ANKS1B: variants seen among roughly 807,000 people sequenced by gnomAD.
ANKS1B encodes ankyrin repeat and sterile alpha motif domain containing 1B.
A neutral mutation model predicts 148.3 loss-of-function variants in ANKS1B; 36 were observed. That is an observed-to-expected ratio of 0.24 (90% CI 0.19 to 0.32). The LOEUF (loss-of-function observed/expected upper bound fraction) is 0.32, where lower values mean the gene tolerates loss of function less well. Ranked by LOEUF, ANKS1B falls within the 10% of genes least tolerant of loss-of-function variation. The pLI is 1.00. For missense variants in ANKS1B, 1,157 were observed against 1,542.6 expected (o/e 0.75, Z 4.19); for synonymous variants, 542 against 560.8 (o/e 0.97, Z 0.47).
chr12:99,918,413 C>T (rs1009093035), intron 1 of ANKS1B, among the ~76,000 whole-genome samples: 1 of 152,172 alleles, frequency 6.6e-6, no homozygotes, highest in Non-Finnish European at 1.5e-5. Flanking sequence ...TTACTTTCAC[C>T]CAAACCCTTT....
intron 15 of ANKS1B, among the ~76,000 whole-genome samples, chr12:99,144,713 C>G (rs1256231853): frequency 1.3e-5 from 2 of 151,890 alleles, no homozygotes; most frequent in African/African-American, 4.8e-5. Context: ...GAGATAGGGT[C>G]TTTACAGACA....
rs572624592 is a variant in ANKS1B at position 98,884,834 on chromosome 12, C to G, written c.2779-52698G>C. Among the ~76,000 whole-genome samples, 20 of 148,798 alleles carry G rather than the reference C, an allele frequency of 1.3e-4. No homozygotes were observed. In the East Asian group the frequency reaches 4.0e-3, roughly 30 times the overall value. On this transcript the variant is annotated intron_variant, in intron 17 of 26. Coordinates refer to ENST00000683438, the MANE Select transcript of ANKS1B (RefSeq NM_001352186.2). ...AAAAAAAAAAAAAAAAAGAAACTAT[C>G]TATTTGGGGAGTCTCTCAGATGTGT...
At chr12:99,666,793 T>G (rs1214400377) in intron 8 of ANKS1B, among the ~76,000 whole-genome samples, 1 of 152,126 alleles carries the variant, frequency 6.6e-6, no homozygotes, top group Non-Finnish European at 1.5e-5. Context: ...TTGCTATATG[T>G]ATAATTGTGA....
At chr12:99,916,482 C>A (rs2094174879) in intron 1 of ANKS1B, among the ~76,000 whole-genome samples, 1 of 152,160 alleles carries the variant, frequency 6.6e-6, no homozygotes, top group Non-Finnish European at 1.5e-5. Flanking sequence ...TCCAGACCCA[C>A]CAACTGGTCA....
intron 9 of ANKS1B, among the ~76,000 whole-genome samples, chr12:99,527,041 C>G (rs1213215348): frequency 6.6e-6 from 1 of 152,142 alleles, no homozygotes; most frequent in Non-Finnish European, 1.5e-5. Context: ...AGAAAACCAA[C>G]AGGAATGGAA....
At chr12:98,853,351 T>C (rs891088122) in intron 17 of ANKS1B, among the ~76,000 whole-genome samples, 1 of 152,142 alleles carries the variant, frequency 6.6e-6, no homozygotes, top group South Asian at 2.1e-4. Flanking sequence ...GGAGCAGGAA[T>C]TATATGTGCT....
At chr12:99,207,628 C>T (rs914097867) in intron 14 of ANKS1B, among the ~76,000 whole-genome samples, 1 of 151,826 alleles carries the variant, frequency 6.6e-6, no homozygotes, top group Non-Finnish European at 1.5e-5. Flanking sequence ...TCTTAAGATT[C>T]CACTGGAAGT....
At chr12:99,238,091 G>A (rs1041557272) in intron 14 of ANKS1B, among the ~76,000 whole-genome samples, 3 of 152,246 alleles carry the variant, frequency 2.0e-5, no homozygotes, top group African/African-American at 7.2e-5. Context: ...AAGCAGGGCG[G>A]GGTGTTGCCT....
chr12:99,507,088 T>C (rs12303130), intron 9 of ANKS1B, among the ~76,000 whole-genome samples: 26,492 of 151,912 alleles, frequency 0.17, 2,346 homozygotes, highest in African/African-American at 0.2. Flanking sequence ...CTACAAGTTA[T>C]GGAAATGATT....
At chr12:99,347,890 A>T (rs2090934592) in intron 12 of ANKS1B, among the ~76,000 whole-genome samples, 1 of 152,084 alleles carries the variant, frequency 6.6e-6, no homozygotes, top group African/African-American at 2.4e-5. Context: ...CACTAGATTT[A>T]CTAGACAAAG....
chr12:98,933,100 T>A (rs533537835), intron 17 of ANKS1B, among the ~76,000 whole-genome samples: 2 of 152,246 alleles, frequency 1.3e-5, no homozygotes, highest in African/African-American at 4.8e-5. Flanking sequence ...TGACTGAAAC[T>A]TTATGGCTGT....
At chr12:99,099,761 A>G (rs1170433993) in intron 15 of ANKS1B, 1 of 152,240 alleles carries the variant, frequency 6.6e-6, no homozygotes, top group East Asian at 1.9e-4. Flanking sequence ...AATTCATGCT[A>G]ATAACATAAA....
chr12:99,812,176 T>C lies in ANKS1B; in HGVS notation c.351A>G (p.Ser117=). The C allele has an allele frequency of 1.9e-6, 3 of 1,611,634 alleles. No individual in the cohort carries two copies. Among genetic ancestry groups the C allele is most frequent in the Non-Finnish European group, 2.5e-6 (3 of 1,178,338 alleles). The change falls in exon 3 of 27, where the codon TCA becomes TCG. Residue 117 remains serine (S), a synonymous_variant. Coordinates refer to ENST00000683438, the MANE Select transcript of ANKS1B (RefSeq NM_001352186.2). ...IVKILIHHGP[S]HSRVNEQNNE... ...GCACCTGTTCATTGACCCTGGAATG[T>C]GATGGTCCATGATGAATAAGAATCT...
intron 8 of ANKS1B, among the ~76,000 whole-genome samples, chr12:99,743,219 G>C (rs571288362): frequency 6.6e-6 from 1 of 152,174 alleles, no homozygotes; most frequent in Admixed American, 6.5e-5. Flanking sequence ...ACAGATATAG[G>C]GAAAGACTTT....
intron 12 of ANKS1B, among the ~76,000 whole-genome samples, chr12:99,307,025 T>A (rs2082443073): frequency 6.6e-6 from 1 of 152,122 alleles, no homozygotes; most frequent in Admixed American, 6.6e-5. Context: ...GTCCTTGTCG[T>A]CCCTGGCTCT....
intron 4 of ANKS1B, among the ~76,000 whole-genome samples, chr12:99,795,747 G>C (rs2066170844): frequency 1.3e-5 from 2 of 151,986 alleles, no homozygotes; most frequent in Non-Finnish European, 2.9e-5. Context: ...TAAAACCAAA[G>C]ATAGTACTGA....
intron 2 of ANKS1B, among the ~76,000 whole-genome samples, chr12:99,821,553 G>C: frequency 6.6e-6 from 1 of 151,742 alleles, no homozygotes; most frequent in Middle Eastern, 3.4e-3. Flanking sequence ...GTATAAATCA[G>C]CATTTACTAA....
At chr12:99,486,092 T>C (rs940253213) in intron 10 of ANKS1B, among the ~76,000 whole-genome samples, 1 of 152,308 alleles carries the variant, frequency 6.6e-6, no homozygotes, top group African/African-American at 2.4e-5. Context: ...AGAGATGTTA[T>C]AGAATCCTGT....
intron 12 of ANKS1B, among the ~76,000 whole-genome samples, chr12:99,306,998 G>T (rs1165072017): frequency 6.6e-6 from 1 of 151,972 alleles, no homozygotes; most frequent in East Asian, 1.9e-4. Flanking sequence ...CACAACTTTG[G>T]AAAGTACAAT....
Sources: gnomAD v4.1 joint callset for allele counts (sites outside exome capture counted in the v4.1 genomes callset) on GRCh38, gnomAD v4.1.1 for gene constraint, MANE v1.5 for transcripts, NCBI Gene and HGNC (gene_info 2026-07-23, HGNC 2026-07-21) for gene names.